STIM1: variants seen among roughly 807,000 people sequenced by gnomAD.
STIM1 encodes the protein stromal interaction molecule 1.
STIM1 carries 25 observed loss-of-function variants against 74.7 expected under a neutral mutation model. The observed-to-expected ratio is 0.33, with a 90% confidence interval of 0.24 to 0.47. The LOEUF (loss-of-function observed/expected upper bound fraction) is 0.47. Among genes scored for constraint, STIM1 ranks in the 20% least tolerant of loss-of-function variants. The pLI, the probability that STIM1 is intolerant of heterozygous loss-of-function variation, is 1.00. For missense variants in STIM1, 728 were observed against 920.8 expected (o/e 0.79, Z 2.71); for synonymous variants, 328 against 348.8 (o/e 0.94, Z 0.66).
intron 1 of STIM1, among the ~76,000 whole-genome samples, chr11:3,893,587 T>A (rs1258424661): frequency 6.6e-6 from 1 of 152,150 alleles, no homozygotes; most frequent in African/African-American, 2.4e-5. Flanking sequence ...ACTTTCTTGC[T>A]CATTAGCAAT....
At chr11:3,972,378 C>T (rs902251694) in intron 2 of STIM1, among the ~76,000 whole-genome samples, 1 of 152,198 alleles carries the variant, frequency 6.6e-6, no homozygotes, top group Non-Finnish European at 1.5e-5. Context: ...TACCCCAGTA[C>T]CTAGATTCCT....
Position 4,082,285 on chromosome 11 carries a change from G to A in STIM1, c.1071G>A (p.Val357=), listed in dbSNP as rs1288963987. 6.2e-7 allele frequency: 1 copy of A among 1,613,882 alleles called. No individual in the cohort carries two copies. The highest frequency in any genetic ancestry group is 8.5e-7 in the Non-Finnish European group (1 of 1,180,042). Residue 357 remains valine (V), a synonymous_variant, in exon 8 of 13, where the codon GTG becomes GTA. Coordinates refer to ENST00000526596, the MANE Select transcript of STIM1 (RefSeq NM_001382567.1). Reference sequence around the variant, plus strand: ...AGTGGCTGCAGCTGACACATGAGGTGGAGGTGCAATATTACAACATCAAGA... The same window carrying A: ...AGTGGCTGCAGCTGACACATGAGGTAGAGGTGCAATATTACAACATCAAGA... ...LQKWLQLTHE[V]EVQYYNIKKQ... is the part of the protein sequence containing the mutation.
At chr11:4,035,851 C>CTTTTTTTTTTTTTTTTTTTTT (rs35310625) in intron 3 of STIM1, among the ~76,000 whole-genome samples, 2 of 123,314 alleles carry the variant, frequency 1.6e-5, no homozygotes, top group Non-Finnish European at 1.7e-5. Context: ...TGTTGTTTTG[C>CTTTTTTTTTTTTTTTTTTTTT]TTTTTTTTTT....
intron 5 of STIM1, among the ~76,000 whole-genome samples, chr11:4,062,901 C>T (rs931591186): frequency 6.6e-6 from 1 of 152,046 alleles, no homozygotes; most frequent in Admixed American, 6.6e-5. Context: ...ATGGTATATA[C>T]ATACAATAGA....
chr11:3,897,394 T>C (rs990683424), intron 1 of STIM1, among the ~76,000 whole-genome samples: 13 of 152,244 alleles, frequency 8.5e-5, no homozygotes, highest in Admixed American at 2.6e-4. Flanking sequence ...GATGTAATTT[T>C]AGTAGTCCAG....
intron 2 of STIM1, among the ~76,000 whole-genome samples, chr11:4,020,991 T>TA (rs1447741426): frequency 6.6e-6 from 1 of 152,170 alleles, no homozygotes; most frequent in East Asian, 1.9e-4. Flanking sequence ...TCGAGTTCCT[T>TA]ATATATTCTA....
intron 1 of STIM1, among the ~76,000 whole-genome samples, chr11:3,891,137 CATAG>C (rs1348436750): frequency 1.3e-5 from 2 of 152,106 alleles, no homozygotes; most frequent in Non-Finnish European, 2.9e-5. Context: ...CAGTCAATGA[CATAG>C]ATATTGTTAT....
intron 1 of STIM1, among the ~76,000 whole-genome samples, chr11:3,919,494 C>T (rs917021378): frequency 3.9e-5 from 6 of 152,196 alleles, no homozygotes; most frequent in Non-Finnish European, 8.8e-5. Flanking sequence ...TGTGAGCCAC[C>T]ATGCCCAGCC....
intron 2 of STIM1, among the ~76,000 whole-genome samples, chr11:3,986,255 GA>G (rs1465393230): frequency 6.6e-6 from 1 of 152,194 alleles, no homozygotes; most frequent in Non-Finnish European, 1.5e-5. Context: ...ATCTGAGGAT[GA>G]TAGGAAACAC....
chr11:3,954,117 T>C (rs756472049), intron 1 of STIM1, among the ~76,000 whole-genome samples: 3 of 152,188 alleles, frequency 2.0e-5, no homozygotes, highest in Non-Finnish European at 4.4e-5. Context: ...TGTGAGATGC[T>C]GTGCTCCTTG....
chr11:3,862,168 C>T (rs1353281212), intron 1 of STIM1, among the ~76,000 whole-genome samples: 1 of 152,040 alleles, frequency 6.6e-6, no homozygotes, highest in East Asian at 1.9e-4. Flanking sequence ...AAATTGAATA[C>T]CCTGAAATGA....
chr11:3,873,690 G>T (rs576433385), intron 1 of STIM1, among the ~76,000 whole-genome samples: 2 of 152,242 alleles, frequency 1.3e-5, no homozygotes, highest in East Asian at 3.9e-4. Flanking sequence ...GGGCAGTTCT[G>T]TTAGCTCAGT....
intron 2 of STIM1, among the ~76,000 whole-genome samples, chr11:3,983,553 C>T (rs1264734565): frequency 1.3e-5 from 2 of 152,150 alleles, no homozygotes; most frequent in Admixed American, 1.3e-4. Context: ...TACCCATATA[C>T]CAGGGGCCTG....
At chr11:4,011,354 A>G (rs1237482922) in intron 2 of STIM1, among the ~76,000 whole-genome samples, 4 of 152,150 alleles carry the variant, frequency 2.6e-5, no homozygotes, top group Non-Finnish European at 4.4e-5. Flanking sequence ...AAGCATTCCT[A>G]TTTCTCCACA....
chr11:3,983,826 G>C (rs1434811554), intron 2 of STIM1, among the ~76,000 whole-genome samples: 1 of 151,898 alleles, frequency 6.6e-6, no homozygotes, highest in Non-Finnish European at 1.5e-5. Context: ...AGCTACTGCT[G>C]CTGCTGCTTT....
At chr11:3,943,444 A>G (rs888097016) in intron 1 of STIM1, among the ~76,000 whole-genome samples, 1 of 152,176 alleles carries the variant, frequency 6.6e-6, no homozygotes, top group Non-Finnish European at 1.5e-5. Context: ...ACCTCCATGC[A>G]ATGCCTCTTA....
At chr11:4,017,368 T>G (rs1352801632) in intron 2 of STIM1, among the ~76,000 whole-genome samples, 1 of 152,248 alleles carries the variant, frequency 6.6e-6, no homozygotes, top group African/African-American at 2.4e-5. Flanking sequence ...CCTTGTTTTC[T>G]GACCCTACTT....
At chr11:4,081,413 G>C (rs2094464764) in intron 7 of STIM1, among the ~76,000 whole-genome samples, 1 of 152,228 alleles carries the variant, frequency 6.6e-6, no homozygotes, top group African/African-American at 2.4e-5. Context: ...GGCAATGCCT[G>C]TGTTAGGTGT....
intron 2 of STIM1, among the ~76,000 whole-genome samples, chr11:4,009,851 T>C (rs1243993538): frequency 6.6e-6 from 1 of 152,144 alleles, no homozygotes; most frequent in African/African-American, 2.4e-5. Flanking sequence ...CTTGCTCTAT[T>C]GCCCAGGCTG....
Sources: allele counts gnomAD v4.1 joint callset (sites outside exome capture counted in the v4.1 genomes callset), GRCh38; gene constraint gnomAD v4.1.1; transcripts MANE v1.5; gene names NCBI Gene and HGNC (gene_info 2026-07-23, HGNC 2026-07-21).